Variants in UGGT2 observed in about 807,000 individuals in gnomAD.
UGGT2 encodes UDP-glucose glycoprotein glucosyltransferase 2, also known as UDP-glucose:glycoprotein glucosyltransferase 2.
Under a neutral mutation model 192.1 loss-of-function variants are expected in UGGT2, and 180 were observed. That is an observed-to-expected ratio of 0.94 (90% confidence interval 0.83 to 1.06). The LOEUF is 1.06. Ranked by LOEUF, UGGT2 falls within the 50% of genes least tolerant of loss-of-function variation. UGGT2 has a pLI of 0.00. For missense variants in UGGT2, 1,849 were observed against 1,795.7 expected (o/e 1.03, Z -0.54); for synonymous variants, 580 against 591.0 (o/e 0.98, Z 0.27).
chr13:95,871,218 A>C lies in UGGT2; in HGVS notation c.3474-3795T>G, dbSNP rs1455747100. 4.6e-5 allele frequency among the ~76,000 whole-genome samples: 7 copies of C among 152,242 alleles called. No homozygotes were observed. The East Asian group carries it at 1.3e-3, about 29-fold the overall frequency. On this transcript the variant is annotated intron_variant, in intron 29 of 38. Transcript: ENST00000376747. Reference sequence around the variant, plus strand: ...GGGGGTAGGGGTAAAAGGATGCTAGAATGCTTCCACTGAAACACCAATGAG... The same window carrying C: ...GGGGGTAGGGGTAAAAGGATGCTAGCATGCTTCCACTGAAACACCAATGAG...
At chr13:95,846,239 AC>A (rs1888431233) in intron 36 of UGGT2, among the ~76,000 whole-genome samples, 1 of 152,178 alleles carries the variant, frequency 6.6e-6, no homozygotes, top group Non-Finnish European at 1.5e-5. Context: ...CCTGGCCGAC[AC>A]GGCGAAACCC....
intron 12 of UGGT2, among the ~76,000 whole-genome samples, chr13:95,952,855 A>G (rs1443099909): frequency 6.6e-6 from 1 of 152,200 alleles, no homozygotes; most frequent in East Asian, 1.9e-4. Context: ...TGGAAAAGAA[A>G]ACCTCTAGAG....
chr13:95,816,579 G>T (rs1214908556), intron 38 of UGGT2, among the ~76,000 whole-genome samples: 6 of 152,128 alleles, frequency 3.9e-5, no homozygotes, highest in Non-Finnish European at 8.8e-5. Context: ...ATAATCTACT[G>T]ATATATTCAA....
At chr13:95,867,927 C>T (rs1390932119) in intron 29 of UGGT2, among the ~76,000 whole-genome samples, 1 of 152,146 alleles carries the variant, frequency 6.6e-6, no homozygotes, top group Non-Finnish European at 1.5e-5. Flanking sequence ...CCATCTGCAT[C>T]ACCTGAATGT....
At chr13:95,938,585 T>C (rs2049548173) in intron 16 of UGGT2, among the ~76,000 whole-genome samples, 1 of 152,210 alleles carries the variant, frequency 6.6e-6, no homozygotes, top group Non-Finnish European at 1.5e-5. Flanking sequence ...ATACTATCTG[T>C]ACGTTTAGTG....
intron 38 of UGGT2, among the ~76,000 whole-genome samples, chr13:95,827,441 A>T (rs867448766): frequency 6.6e-6 from 1 of 152,138 alleles, no homozygotes; most frequent in South Asian, 2.1e-4. Flanking sequence ...CATAAGGAAA[A>T]GAAAGCCATT....
chr13:95,896,550 G>A (rs1440303031), intron 22 of UGGT2, among the ~76,000 whole-genome samples: 6 of 152,006 alleles, frequency 3.9e-5, no homozygotes, highest in Non-Finnish European at 8.8e-5. Context: ...TCTAGCGACA[G>A]GGGCAGTTTT....
chr13:96,049,334 T>A (rs2053416697), intron 1 of UGGT2, among the ~76,000 whole-genome samples: 1 of 152,182 alleles, frequency 6.6e-6, no homozygotes, highest in Non-Finnish European at 1.5e-5. Context: ...TATCTCAAAA[T>A]AATAAGAGCT....
intron 5 of UGGT2, among the ~76,000 whole-genome samples, chr13:96,011,659 T>C (rs955100243): frequency 2.0e-5 from 3 of 152,070 alleles, no homozygotes; most frequent in African/African-American, 4.8e-5. Context: ...AACTCAGCAA[T>C]AGAACTTCCA....
chr13:95,854,758 T>C (rs1192212652), intron 34 of UGGT2, among the ~76,000 whole-genome samples: 1 of 152,146 alleles, frequency 6.6e-6, no homozygotes, highest in Non-Finnish European at 1.5e-5. Flanking sequence ...ATTTTACGAA[T>C]CAGACATTTG....
intron 32 of UGGT2, among the ~76,000 whole-genome samples, chr13:95,860,291 T>C (rs1019435279): frequency 6.7e-6 from 1 of 149,646 alleles, no homozygotes; most frequent in Non-Finnish European, 1.5e-5. Flanking sequence ...AAAAGGATAA[T>C]TTACTATAGT....
At chr13:95,996,592 T>A (rs1214815233) in intron 6 of UGGT2, among the ~76,000 whole-genome samples, 2 of 152,300 alleles carry the variant, frequency 1.3e-5, no homozygotes, top group East Asian at 3.9e-4. Context: ...TATATATGCA[T>A]GTGTACAGGC....
At chr13:95,894,773 G>C in intron 23 of UGGT2, 116 bp from the exon 24 acceptor site, 1 of 805,536 alleles carries the variant, frequency 1.2e-6, no homozygotes, top group South Asian at 1.8e-5. Flanking sequence ...ATCTACCAAA[G>C]TAGACTGCAA....
chr13:96,005,392 C>G (rs1015388224), intron 5 of UGGT2, among the ~76,000 whole-genome samples: 11 of 152,146 alleles, frequency 7.2e-5, no homozygotes, highest in Non-Finnish European at 1.6e-4. Flanking sequence ...GGCTGAAACC[C>G]TCTTGCACAG....
intron 29 of UGGT2, chr13:95,877,058 AT>A: frequency 2.7e-6 from 1 of 375,706 alleles, no homozygotes; most frequent in Non-Finnish European, 4.7e-6. Flanking sequence ...AAATTTTTGT[AT>A]TTTTAGTACA....
chr13:95,867,315 A>G (rs1890758296), intron 30 of UGGT2, 24 bp downstream of exon 30: 1 of 1,563,624 alleles, frequency 6.4e-7, no homozygotes, highest in African/African-American at 1.4e-5. Context: ...AACAAAGCCT[A>G]TAAAAAGTTC....
Position 95,854,323 on chromosome 13 carries a change from G to T in UGGT2, c.4161C>A (p.Tyr1387Ter), listed in dbSNP as rs576679835. ...YWASHLLRRK[Y>*]HISALYVVDL... ...GGTCTGACTTTTCTTACCTGATATG[G>T]TATTTCCGTCTTAAAAGATGTGATG... Residue 1387 changes from tyrosine to a stop codon, truncating the protein, a stop_gained, in exon 35 of 39, where the codon TAC becomes TAA. Coordinates refer to ENST00000376747, the MANE Select transcript of UGGT2 (RefSeq NM_020121.4). LOFTEE classifies it high-confidence loss of function. The T allele has an allele frequency of 1.9e-6, 3 of 1,611,888 alleles. No individual in the cohort carries two copies. Among genetic ancestry groups the T allele is most frequent in the Non-Finnish European group, 1.7e-6 (2 of 1,179,138 alleles).
chr13:95,986,230 G>A, intron 9 of UGGT2, 103 bp downstream of exon 9: 2 of 791,082 alleles, frequency 2.5e-6, no homozygotes, highest in Non-Finnish European at 4.1e-6. Context: ...ATATATACTA[G>A]AACTAATTGA....
intron 34 of UGGT2, 139 bp downstream of exon 34, chr13:95,856,019 C>T (rs1349511783): frequency 4.6e-6 from 3 of 651,746 alleles, no homozygotes; most frequent in Non-Finnish European, 7.1e-6. Flanking sequence ...TTTAAAGATA[C>T]TTTGCTTATA....
Sources: gnomAD v4.1 joint callset for allele counts (sites outside exome capture counted in the v4.1 genomes callset) on GRCh38, gnomAD v4.1.1 for gene constraint, MANE v1.5 for transcripts, NCBI Gene and HGNC (gene_info 2026-07-23, HGNC 2026-07-21) for gene names.